Variants in LNPEP observed in about 807,000 individuals in gnomAD.
LNPEP encodes leucyl and cystinyl aminopeptidase, also known as leucyl-cystinyl aminopeptidase.
A neutral mutation model predicts 120.6 loss-of-function variants in LNPEP; 64 were observed. The ratio of observed to expected loss-of-function variants is 0.53; its 90% CI spans 0.43 to 0.65. The LOEUF (loss-of-function observed/expected upper bound fraction) is 0.65, where lower values mean the gene tolerates loss of function less well. Among genes scored for constraint, LNPEP ranks in the 30% least tolerant of loss-of-function variants. The pLI is 0.00. For missense variants in LNPEP, 1,057 were observed against 1,200.0 expected (o/e 0.88, Z 1.76); for synonymous variants, 435 against 425.4 (o/e 1.02, Z -0.28).
At chr5:97,017,573 C>T (rs1410461884) in intron 13 of LNPEP, among the ~76,000 whole-genome samples, 5 of 151,996 alleles carry the variant, frequency 3.3e-5, no homozygotes, top group Admixed American at 1.3e-4. Flanking sequence ...ATCTGTGATC[C>T]ATCTGGAATT....
chr5:96,967,228 A>G (rs1001491575), intron 1 of LNPEP, among the ~76,000 whole-genome samples: 3 of 152,114 alleles, frequency 2.0e-5, no homozygotes, highest in Admixed American at 6.6e-5. Context: ...TCTAAAGGCC[A>G]TGTTCATGTA....
At chr5:96,993,375 T>A (rs1228583901) in intron 5 of LNPEP, among the ~76,000 whole-genome samples, 2 of 152,212 alleles carry the variant, frequency 1.3e-5, no homozygotes, top group Non-Finnish European at 2.9e-5. Flanking sequence ...TAAGTGGGAA[T>A]TTGCTTATGG....
chr5:96,936,270 C>T, intron 1 of LNPEP, 96 bp downstream of exon 1: 3 of 1,058,608 alleles, frequency 2.8e-6, no homozygotes, highest in Non-Finnish European at 3.8e-6. Flanking sequence ...AGCCGTCTCC[C>T]CCAACACCGC....
chr5:96,970,743 G>C (rs1281548931), intron 1 of LNPEP, among the ~76,000 whole-genome samples: 1 of 151,860 alleles, frequency 6.6e-6, no homozygotes, highest in Non-Finnish European at 1.5e-5. Context: ...TTAAGTCTGT[G>C]TATAGTCAGT....
At chr5:97,026,194 TA>T (rs2112674306) in intron 15 of LNPEP, among the ~76,000 whole-genome samples, 1 of 152,308 alleles carries the variant, frequency 6.6e-6, no homozygotes, top group Admixed American at 6.5e-5. Flanking sequence ...CGAACATTAA[TA>T]AGAGTATATT....
rs1342562785 is a variant in LNPEP at position 97,035,845 on chromosome 5, A to G, written c.*7312A>G. ...ATAAGACAGGAGAAGACACTCAGCT[A>G]TGGTTGAGTTGTGAAAGCTAATTAG... On this transcript the variant is annotated 3_prime_UTR_variant, in exon 18 of 18. Coordinates refer to ENST00000231368, the MANE Select transcript of LNPEP (RefSeq NM_005575.3). The G allele has an allele frequency of 1.3e-5, 2 of 152,202 alleles. No homozygotes were observed. Among genetic ancestry groups the G allele is most frequent in the African/African-American group, 4.8e-5 (2 of 41,456 alleles). 9.4% of individuals were successfully genotyped at this position (152,202 alleles called of 1,614,324 possible).
chr5:96,985,835 G>A (rs1389180225), intron 3 of LNPEP, among the ~76,000 whole-genome samples: 2 of 151,892 alleles, frequency 1.3e-5, no homozygotes, highest in Admixed American at 1.3e-4. Flanking sequence ...GTGGCTAAGG[G>A]AGAGGAGCAG....
At chr5:96,956,758 C>T (rs867062988) in intron 1 of LNPEP, among the ~76,000 whole-genome samples, 32 of 152,230 alleles carry the variant, frequency 2.1e-4, no homozygotes, top group African/African-American at 7.5e-4. Flanking sequence ...TTCTGGGACT[C>T]CGACTGCATA....
At chr5:96,946,320 G>A (rs1349983505) in intron 1 of LNPEP, among the ~76,000 whole-genome samples, 1 of 152,172 alleles carries the variant, frequency 6.6e-6, no homozygotes, top group Non-Finnish European at 1.5e-5. Context: ...TGAGAGGCTT[G>A]GTAGCATTCC....
chr5:97,022,814 A>T, intron 14 of LNPEP, among the ~76,000 whole-genome samples: 2 of 112,846 alleles, frequency 1.8e-5, no homozygotes, highest in African/African-American at 3.5e-5. Flanking sequence ...CAGTCCCCAG[A>T]GTGTGATGTT....
At chr5:97,020,476 C>A (rs1791166553) in intron 13 of LNPEP, among the ~76,000 whole-genome samples, 1 of 151,944 alleles carries the variant, frequency 6.6e-6, no homozygotes, top group Non-Finnish European at 1.5e-5. Context: ...TCATTTTGGT[C>A]CTTCTTATGT....
chr5:96,950,512 AAAGGTT>A (rs1561428213), intron 1 of LNPEP, among the ~76,000 whole-genome samples: 1 of 152,246 alleles, frequency 6.6e-6, no homozygotes, highest in Non-Finnish European at 1.5e-5. Flanking sequence ...TGGGAAGAGT[AAAGGTT>A]AAGCTGTGTC....
Position 96,986,488 on chromosome 5 carries a change from T to C in LNPEP, c.1000-51T>C, listed in dbSNP as rs773810814. On this transcript the variant is annotated intron_variant, in intron 3 of 17. Coordinates refer to ENST00000231368, the MANE Select transcript of LNPEP (RefSeq NM_005575.3). ...TTTCAGTTTCTCAGTTTGTTTGTTA[T>C]TGCCATTTATTCCTATAGTTACAGA... 2.3e-5 allele frequency: 36 copies of C among 1,550,222 alleles called. No individual in the cohort carries two copies. The Admixed American group carries it at 3.3e-4, about 14-fold the overall frequency.
intron 1 of LNPEP, among the ~76,000 whole-genome samples, chr5:96,965,494 T>C (rs1345535978): frequency 3.3e-5 from 5 of 152,200 alleles, no homozygotes; most frequent in Admixed American, 3.3e-4. Context: ...AGGATCTTTC[T>C]GATACATAAC....
At chr5:96,949,218 A>G (rs1171872584) in intron 1 of LNPEP, among the ~76,000 whole-genome samples, 1 of 152,224 alleles carries the variant, frequency 6.6e-6, no homozygotes, top group Non-Finnish European at 1.5e-5. Flanking sequence ...TGCCTAAAGC[A>G]TGGGTCCCCA....
chr5:96,954,707 TATACAC>T (rs1789406498), intron 1 of LNPEP, among the ~76,000 whole-genome samples: 1 of 119,512 alleles, frequency 8.4e-6, no homozygotes, highest in Non-Finnish European at 1.7e-5. Context: ...TATATACATA[TATACAC>T]ATATATATAC....
chr5:96,966,378 T>C (rs546290717), intron 1 of LNPEP, among the ~76,000 whole-genome samples: 1 of 152,162 alleles, frequency 6.6e-6, no homozygotes, highest in East Asian at 1.9e-4. Context: ...CACATGCCTG[T>C]AGTCCCACCT....
At chr5:97,024,132 C>T (rs1791280346) in intron 14 of LNPEP, among the ~76,000 whole-genome samples, 1 of 152,134 alleles carries the variant, frequency 6.6e-6, no homozygotes, top group South Asian at 2.1e-4. Context: ...GTGTTTTCTC[C>T]CTGCACCCCA....
rs1791574109 is a variant in LNPEP at position 97,036,429 on chromosome 5, C to T, written c.*7896C>T. The T allele has an allele frequency of 6.6e-6, 1 of 152,144 alleles. No homozygotes were observed. The highest frequency in any genetic ancestry group is 1.5e-5 in the Non-Finnish European group (1 of 68,044). The allele number at this position is 152,144 out of a possible 1,614,324, so 9.4% of individuals were successfully genotyped here. ...ATTCACAAATTTAAGCCATTGCTGC[C>T]TCATTAGCCTTGTATTTTGTGTGCA... is the stretch of plus-strand genomic sequence containing the variant. On this transcript the variant is annotated 3_prime_UTR_variant, in exon 18 of 18. Transcript: ENST00000231368.
Sources: allele counts gnomAD v4.1 joint callset (sites outside exome capture counted in the v4.1 genomes callset), GRCh38; gene constraint gnomAD v4.1.1; transcripts MANE v1.5; gene names NCBI Gene and HGNC (gene_info 2026-07-23, HGNC 2026-07-21).